The following KMT2C variants were observed in gnomAD, a reference collection of about 807,000 sequenced individuals.
KMT2C encodes the protein histone-lysine N-methyltransferase 2C.
A neutral mutation model predicts 507.9 loss-of-function variants in KMT2C; 88 were observed. That is an observed-to-expected ratio of 0.17 (90% CI 0.15 to 0.21). The LOEUF is 0.21. KMT2C is among the 10% of genes least tolerant of loss of function. The pLI is 1.00. For missense variants in KMT2C, 4,954 were observed against 5,957.8 expected (o/e 0.83, Z 5.55); for synonymous variants, 2,049 against 2,080.8 (o/e 0.98, Z 0.42).
intron 1 of KMT2C, among the ~76,000 whole-genome samples, chr7:152,409,230 C>G (rs78905978): frequency 6.6e-6 from 1 of 150,778 alleles, no homozygotes; most frequent in East Asian, 2.0e-4. Flanking sequence ...TGGTCTTGAA[C>G]GCCTTACCTC....
rs1398375188 is a variant in KMT2C, at chr7:152,148,927, G to A, written c.13000C>T (p.Arg4334Trp). 3.7e-6 allele frequency: 6 copies of A among 1,612,250 alleles called. No individual in the cohort carries two copies. The highest frequency in any genetic ancestry group is 2.2e-5 in the East Asian group (1 of 44,892). The change falls in exon 52 of 59, where the codon CGG becomes TGG. Residue 4334 changes from arginine (R) to tryptophan (W), a missense_variant. Arg to Trp is a moderately radical substitution (Grantham distance 101). Transcript: ENST00000262189. This position sits in a 1 kb window ranked among gnomAD's most constrained non-coding sequence, Gnocchi z 7.1. ...AACCCACCATGGACAGCTCTTAGCC[G>A]AGGCTTCAGCTTGACTGTCACCTTC... ...ELKVTVKLKP[R>W]LRAVHGGFED...
At chr7:152,184,820 T>G (rs1313283706) in intron 34 of KMT2C, among the ~76,000 whole-genome samples, 9 of 152,226 alleles carry the variant, frequency 5.9e-5, no homozygotes. Flanking sequence ...CTCTGTCACC[T>G]AGGCTGGAAT....
At chr7:152,225,811 C>A (rs4024378) in intron 18 of KMT2C, among the ~76,000 whole-genome samples, 1 of 152,166 alleles carries the variant, frequency 6.6e-6, no homozygotes, top group Non-Finnish European at 1.5e-5. Flanking sequence ...ACTTTAAAAA[C>A]TAATCTTATA....
chr7:152,291,675 T>C (rs2096429697), intron 6 of KMT2C, among the ~76,000 whole-genome samples: 1 of 152,186 alleles, frequency 6.6e-6, no homozygotes, highest in Non-Finnish European at 1.5e-5. Context: ...CAGCACTAAC[T>C]TCTGGAGTAT....
intron 18 of KMT2C, among the ~76,000 whole-genome samples, chr7:152,226,421 TG>T (rs1203173891): frequency 1.3e-5 from 2 of 151,896 alleles, no homozygotes; most frequent in Admixed American, 1.3e-4. Context: ...TTAGTAGAGA[TG>T]GGGTTTTACT....
intron 6 of KMT2C, among the ~76,000 whole-genome samples, chr7:152,288,229 T>TAA (rs36047379): frequency 5.8e-4 from 70 of 121,130 alleles, no homozygotes; most frequent in African/African-American, 9.7e-4. Context: ...TGAACTGATT[T>TAA]AAAAAAAAAA....
chr7:152,178,576 G>A (rs1206799979), intron 37 of KMT2C, among the ~76,000 whole-genome samples: 1 of 152,084 alleles, frequency 6.6e-6, no homozygotes, highest in Non-Finnish European at 1.5e-5. Flanking sequence ...ATTTTATATT[G>A]TACTTCCTTC....
intron 2 of KMT2C, among the ~76,000 whole-genome samples, chr7:152,333,704 A>G (rs2096905529): frequency 6.6e-6 from 1 of 152,232 alleles, no homozygotes; most frequent in Non-Finnish European, 1.5e-5. Context: ...TTTGAAAAAC[A>G]ATTTGTATAA....
Position 152,155,906 on chromosome 7 carries a change from G to A in KMT2C, c.11960+4C>T, listed in dbSNP as rs1235130583. The A allele has an allele frequency of 1.3e-6, 2 of 1,590,762 alleles. No homozygotes were observed. Among genetic ancestry groups the A allele is most frequent in the African/African-American group, 2.7e-5 (2 of 73,180 alleles). ...GAATTATTTGAGAAAAAAATAACCT[G>A]TACCTTAATTCTTCCTGATTGTTAT... On this transcript the variant is annotated splice_donor_region_variant and intron_variant, in intron 46 of 58. Transcript: ENST00000262189.
chr7:152,169,319 G>T, intron 40 of KMT2C, 70 bp from the exon 41 acceptor site: 1 of 806,522 alleles, frequency 1.2e-6, no homozygotes, highest in Non-Finnish European at 2.1e-6. Context: ...AACTTTAAAA[G>T]AAAGAAAGAA....
intron 3 of KMT2C, among the ~76,000 whole-genome samples, chr7:152,318,935 TGAAAG>T (rs2096746789): frequency 6.6e-6 from 1 of 152,180 alleles, no homozygotes; most frequent in African/African-American, 2.4e-5. Flanking sequence ...ATCTCGAATC[TGAAAG>T]AGATGGTTAA....
At chr7:152,202,687 C>A (rs2094184309) in intron 26 of KMT2C, among the ~76,000 whole-genome samples, 1 of 152,042 alleles carries the variant, frequency 6.6e-6, no homozygotes, top group Admixed American at 6.6e-5. Flanking sequence ...CTTGTTACAT[C>A]TTATAGAATG....
rs566473458 is a variant in KMT2C, at chr7:152,325,185, CTT to C, written c.389+5414_389+5415del. Among the ~76,000 whole-genome samples the C allele has an allele frequency of 1.1e-4, 17 of 151,840 alleles. No individual in the cohort carries two copies. In the South Asian group the frequency reaches 1.5e-3, roughly 13 times the overall value. On this transcript the variant is annotated intron_variant, in intron 3 of 58. Transcript: ENST00000262189. ...TCTTTTTTTGAGATGCAGTTTCTCT[CTT>C]GTCGCCCAGGCTGGAGTGCAATGGT...
chr7:152,435,474 G>A, intron 1 of KMT2C, 152 bp downstream of exon 1: 1 of 181,426 alleles, frequency 5.5e-6, no homozygotes, highest in Non-Finnish European at 1.0e-5. Flanking sequence ...GCGCGGGGCC[G>A]GGGCCGGGAG....
At chr7:152,309,246 A>G (rs540004775) in intron 6 of KMT2C, among the ~76,000 whole-genome samples, 28 of 152,144 alleles carry the variant, frequency 1.8e-4, no homozygotes, top group African/African-American at 6.5e-4. Context: ...TTAAATGTAA[A>G]CTACTTATTT....
Position 152,345,330 on chromosome 7 carries a change from T to C in KMT2C, c.250+13257A>G, listed in dbSNP as rs150574969. Among the ~76,000 whole-genome samples the C allele has an allele frequency of 8.5e-3, 1,287 of 152,218 alleles. 8 individuals carry two copies. The highest frequency in any genetic ancestry group is 0.013 in the Non-Finnish European group (893 of 68,006). ...GAGGCTGAGCACAGGTAGTCCCAGC[T>C]ACTTGCGAAGCTGAGGTGCGAGGAT... is the stretch of plus-strand genomic sequence containing the variant. On this transcript the variant is annotated intron_variant, in intron 2 of 58. Coordinates refer to ENST00000262189, the MANE Select transcript of KMT2C (RefSeq NM_170606.3).
At chr7:152,141,926 G>C (rs912701209) in intron 55 of KMT2C, among the ~76,000 whole-genome samples, 1 of 152,046 alleles carries the variant, frequency 6.6e-6, no homozygotes, top group Admixed American at 6.6e-5. Context: ...GGAGGCTGAG[G>C]TAAGAGGATC....
At chr7:152,273,347 T>C (rs2096012731) in intron 7 of KMT2C, among the ~76,000 whole-genome samples, 1 of 152,218 alleles carries the variant, frequency 6.6e-6, no homozygotes, top group Non-Finnish European at 1.5e-5. Context: ...ATTCTTCAAC[T>C]GGATGGCTTT....
intron 23 of KMT2C, among the ~76,000 whole-genome samples, chr7:152,208,795 TTATATTTGGTC>T (rs1451100193): frequency 6.6e-6 from 1 of 152,252 alleles, no homozygotes; most frequent in Non-Finnish European, 1.5e-5. Flanking sequence ...TTGTTTTTTA[TTATATTTGGTC>T]TATATTTGAG....
Sources: allele counts gnomAD v4.1 joint callset (sites outside exome capture counted in the v4.1 genomes callset), GRCh38; gene constraint gnomAD v4.1.1; non-coding constraint Gnocchi (gnomAD v3.1); transcripts MANE v1.5; gene names NCBI Gene and HGNC (gene_info 2026-07-23, HGNC 2026-07-21).